The following PRKCH variants were observed in gnomAD, a reference collection of about 807,000 sequenced individuals.
PRKCH encodes the protein protein kinase C eta.
A neutral mutation model predicts 82.5 loss-of-function variants in PRKCH; 28 were observed. That is an observed-to-expected ratio of 0.34 (90% CI 0.25 to 0.47). The LOEUF (loss-of-function observed/expected upper bound fraction) is 0.47. Ranked by LOEUF, PRKCH falls within the 20% of genes least tolerant of loss-of-function variation. PRKCH has a pLI of 1.00. For synonymous variants in PRKCH, 322 were observed against 327.4 expected, an observed-to-expected ratio of 0.98 and a Z score of 0.18; for missense variants, 705 against 881.8, an observed-to-expected ratio of 0.80 and a Z score of 2.54.
intron 1 of PRKCH, among the ~76,000 whole-genome samples, chr14:61,351,973 G>A (rs908010468): frequency 2.4e-4 from 37 of 152,178 alleles, no homozygotes; most frequent in African/African-American, 8.2e-4. Context: ...GCTCCCTAAC[G>A]GAGAAGTTGC....
At chr14:61,264,920 G>A (rs1384419343) in intron 1 of PRKCH, among the ~76,000 whole-genome samples, 1 of 152,194 alleles carries the variant, frequency 6.6e-6, no homozygotes, top group Admixed American at 6.5e-5. Flanking sequence ...GGAGAGTAAG[G>A]AGGGATGGGG....
At chr14:61,490,672 G>T (rs3783768) in intron 10 of PRKCH, among the ~76,000 whole-genome samples, 1 of 152,132 alleles carries the variant, frequency 6.6e-6, no homozygotes, top group Non-Finnish European at 1.5e-5. Flanking sequence ...CCAGCATTTT[G>T]TGAGGCCAAG....
chr14:61,195,390 C>T (rs1468289962), intron 1 of PRKCH, among the ~76,000 whole-genome samples: 1 of 152,110 alleles, frequency 6.6e-6, no homozygotes, highest in Non-Finnish European at 1.5e-5. Context: ...AGAGAGGATT[C>T]AAAGTGCATT....
At chr14:61,397,481 G>C (rs989847283) in intron 2 of PRKCH, among the ~76,000 whole-genome samples, 1 of 152,228 alleles carries the variant, frequency 6.6e-6, no homozygotes, top group South Asian at 2.1e-4. Flanking sequence ...CCATTGAGAA[G>C]ATTTAGCAAG....
intron 1 of PRKCH, among the ~76,000 whole-genome samples, chr14:61,205,690 C>T (rs995772623): frequency 4.6e-5 from 7 of 152,248 alleles, no homozygotes; most frequent in African/African-American, 1.7e-4. Flanking sequence ...GAAACTGGTT[C>T]GGCCCTTGCA....
Position 61,309,440 on chromosome 14 carries a change from A to G in PRKCH, c.-19+121772A>G, listed in dbSNP as rs186518244. On this transcript the variant is annotated intron_variant, in intron 1 of 3. Transcript: ENST00000555185. ...AAAGCAAATGGAAGGGAAAGTGAGC[A>G]GCAGGATGAGGCAGAGCTGATAACA... Among the ~76,000 whole-genome samples the G allele has an allele frequency of 3.0e-3, 452 of 152,336 alleles. 8 individuals carry two copies. Among genetic ancestry groups the G allele is most frequent in the Admixed American group, 0.026 (396 of 15,298 alleles).
chr14:61,352,968 G>A (rs2046102448), intron 1 of PRKCH, among the ~76,000 whole-genome samples: 1 of 152,182 alleles, frequency 6.6e-6, no homozygotes, highest in East Asian at 1.9e-4. Context: ...GGGGGCTGGG[G>A]TGGCATCTGT....
Position 61,550,899 on chromosome 14 carries a change from G to A in PRKCH, c.*1068G>A, listed in dbSNP as rs1233284990. 2.0e-5 allele frequency: 3 copies of A among 152,208 alleles called. No individual in the cohort carries two copies. The East Asian group carries it at 5.8e-4, about 29-fold the overall frequency. 9.4% of individuals were successfully genotyped at this position (152,208 alleles called of 1,614,324 possible). A position where few individuals can be genotyped will look rare whatever the true frequency, so the allele number is the denominator to read the frequency against. ...TCTTGTAAACAGGGCATATATCAAAGATGACCTTATAATATGTACCCGAAT... is the reference window on the plus strand; with the variant it reads ...TCTTGTAAACAGGGCATATATCAAAAATGACCTTATAATATGTACCCGAAT... On this transcript the variant is annotated 3_prime_UTR_variant, in exon 14 of 14. Transcript: ENST00000332981.
At chr14:61,354,252 C>T (rs1381966264) in intron 1 of PRKCH, among the ~76,000 whole-genome samples, 3 of 152,082 alleles carry the variant, frequency 2.0e-5, no homozygotes, top group Admixed American at 6.5e-5. Flanking sequence ...TCTTAATTTT[C>T]ACACTTTTCC....
At chr14:61,256,017 A>G (rs1333489994) in intron 1 of PRKCH, among the ~76,000 whole-genome samples, 1 of 152,156 alleles carries the variant, frequency 6.6e-6, no homozygotes, top group Non-Finnish European at 1.5e-5. Flanking sequence ...CTAGTGCATA[A>G]AGTTTAGTGG....
At chr14:61,256,925 A>T (rs571894114) in intron 1 of PRKCH, among the ~76,000 whole-genome samples, 1 of 152,260 alleles carries the variant, frequency 6.6e-6, no homozygotes, top group South Asian at 2.1e-4. Flanking sequence ...CCAATCTCCA[A>T]AGTGGGATAA....
At position 61,302,360 on chromosome 14, in the gene PRKCH, C is replaced by T. The variant is rs151157231; in HGVS notation, c.-19+114692C>T. On this transcript the variant is annotated intron_variant, in intron 1 of 3. Transcript: ENST00000555185. ...AGGACTTACATGCCTTTCTTTATGG[C>T]ATATAAGCCCTGGGTCCGGGTTGGG... Among the ~76,000 whole-genome samples the T allele has an allele frequency of 3.1e-3, 469 of 152,276 alleles. 2 individuals are homozygous for T. Among genetic ancestry groups the T allele is most frequent in the African/African-American group, 0.011 (442 of 41,552 alleles).
intron 1 of PRKCH, chr14:61,298,750 T>A (rs1016052086): frequency 7.9e-5 from 12 of 152,172 alleles, no homozygotes; most frequent in Non-Finnish European, 1.5e-4. Flanking sequence ...AACTCTTTTT[T>A]TCCTGCTTTT....
intron 1 of PRKCH, among the ~76,000 whole-genome samples, chr14:61,226,591 A>C (rs904042218): frequency 6.6e-6 from 1 of 152,226 alleles, no homozygotes; most frequent in Non-Finnish European, 1.5e-5. Flanking sequence ...AATCACAAAA[A>C]TGTGGCAGAA....
chr14:61,439,430 T>C (rs919005922), intron 2 of PRKCH, among the ~76,000 whole-genome samples: 3 of 152,108 alleles, frequency 2.0e-5, no homozygotes, highest in African/African-American at 7.3e-5. Context: ...GGTGTGTGTG[T>C]AGGTGCATGA....
intron 1 of PRKCH, among the ~76,000 whole-genome samples, chr14:61,225,830 G>A (rs533571114): frequency 5.3e-5 from 8 of 151,418 alleles, no homozygotes; most frequent in South Asian, 2.1e-4. Flanking sequence ...CCTCTGCTTC[G>A]TAGGCTCAAG....
At chr14:61,207,915 C>T (rs2044540014) in intron 1 of PRKCH, among the ~76,000 whole-genome samples, 1 of 152,208 alleles carries the variant, frequency 6.6e-6, no homozygotes. Flanking sequence ...AAGGCAGCTC[C>T]AGCCTTTGAT....
intron 10 of PRKCH, among the ~76,000 whole-genome samples, chr14:61,508,554 A>G (rs192094363): frequency 5.7e-4 from 86 of 152,204 alleles, no homozygotes; most frequent in Admixed American, 9.8e-4. Context: ...TTCCTTTTGT[A>G]TGTTCTGGTC....
chr14:61,455,507 C>T (rs192858392), intron 7 of PRKCH, among the ~76,000 whole-genome samples: 130 of 152,120 alleles, frequency 8.5e-4, no homozygotes, highest in African/African-American at 2.7e-3. Context: ...ATTTGAAATC[C>T]GGTCTGTCTG....
Sources: allele counts gnomAD v4.1 joint callset (sites outside exome capture counted in the v4.1 genomes callset), GRCh38; gene constraint gnomAD v4.1.1; transcripts MANE v1.5; gene names NCBI Gene and HGNC (gene_info 2026-07-23, HGNC 2026-07-21).